EYA1: variants seen among roughly 807,000 people sequenced by gnomAD.
The protein encoded by EYA1 is protein phosphatase EYA1.
EYA1 carries 16 observed loss-of-function variants against 82.0 expected under a neutral mutation model. The observed-to-expected ratio is 0.20, with a 90% CI of 0.13 to 0.30. EYA1 has a LOEUF of 0.30. Ranked by LOEUF, EYA1 falls within the 10% of genes least tolerant of loss-of-function variation. The pLI is 1.00. For synonymous variants in EYA1, 261 were observed against 264.4 expected (o/e 0.99, Z 0.12); for missense variants, 633 against 730.7 (o/e 0.87, Z 1.54).
At chr8:71,265,513 C>T (rs1395733888) in intron 11 of EYA1, among the ~76,000 whole-genome samples, 1 of 152,178 alleles carries the variant, frequency 6.6e-6, no homozygotes, top group East Asian at 1.9e-4. Context: ...GAGACACAGA[C>T]ATTAAACAAT....
At chr8:71,363,650 T>G (rs111643276), upstream of EYA1, among the ~76,000 whole-genome samples, 1 of 152,226 alleles carries the variant, frequency 6.6e-6, no homozygotes, top group Non-Finnish European at 1.5e-5. Context: ...AAAGTATATA[T>G]GCAGAAAATA....
At chr8:71,417,406 G>A (rs1830912159) in intron 2 of EYA1, among the ~76,000 whole-genome samples, 1 of 152,090 alleles carries the variant, frequency 6.6e-6, no homozygotes, top group Non-Finnish European at 1.5e-5. Context: ...GTATTCACAA[G>A]TTCTAGAAAT....
chr8:71,388,941 C>A (rs544282955), intron 2 of EYA1, among the ~76,000 whole-genome samples: 2 of 152,194 alleles, frequency 1.3e-5, no homozygotes, highest in East Asian at 3.9e-4. Context: ...AGTTCCTACA[C>A]ACAAGTCCCT....
At chr8:71,491,799 G>A (rs181557261) in intron 2 of EYA1, among the ~76,000 whole-genome samples, 1 of 152,132 alleles carries the variant, frequency 6.6e-6, no homozygotes, top group Non-Finnish European at 1.5e-5. Flanking sequence ...GTTATGCGGT[G>A]GTTACTAACA....
At chr8:71,488,579 G>A (rs560328324) in intron 2 of EYA1, among the ~76,000 whole-genome samples, 2 of 152,192 alleles carry the variant, frequency 1.3e-5, no homozygotes, top group African/African-American at 4.8e-5. Flanking sequence ...TATCGGTTGG[G>A]AATAAGGATG....
chr8:71,339,140 A>G (rs933920318), intron 3 of EYA1, among the ~76,000 whole-genome samples: 6 of 151,990 alleles, frequency 3.9e-5, no homozygotes, highest in African/African-American at 7.2e-5. Context: ...CTTAGTTGCT[A>G]TTACCCCTCA....
chr8:71,325,608 T>C (rs1823061129), intron 4 of EYA1, among the ~76,000 whole-genome samples: 1 of 152,220 alleles, frequency 6.6e-6, no homozygotes, highest in Non-Finnish European at 1.5e-5. Context: ...TTTAAGTTTT[T>C]TTAATAAACA....
intron 9 of EYA1, among the ~76,000 whole-genome samples, chr8:71,281,769 A>C (rs541503512): frequency 3.9e-5 from 6 of 152,202 alleles, no homozygotes; most frequent in Admixed American, 3.9e-4. Flanking sequence ...AAAATTCTTT[A>C]TTTTTGAACA....
rs891731294 is a variant in EYA1 at position 71,458,023 on chromosome 8, T to C, written c.33+77721A>G. On this transcript the variant is annotated intron_variant, in intron 2 of 18. Transcript: ENST00000643681. The stretch of plus-strand genomic sequence containing the variant: ...AGTCAGCATCTAAGTGTACACATAC[T>C]GTAATTTTCAGGGTAGAGAGAGCGA... Among the ~76,000 whole-genome samples the C allele has an allele frequency of 4.6e-5, 7 of 152,322 alleles. No individual in the cohort carries two copies. In the East Asian group the frequency reaches 5.8e-4, roughly 13 times the overall value.
intron 2 of EYA1, among the ~76,000 whole-genome samples, chr8:71,482,609 T>C (rs1041349645): frequency 2.0e-5 from 3 of 152,152 alleles, no homozygotes; most frequent in African/African-American, 7.2e-5. Flanking sequence ...GTAACATAAT[T>C]CATAAAAGTC....
intron 2 of EYA1, among the ~76,000 whole-genome samples, chr8:71,418,926 G>T (rs1441732552): frequency 6.6e-6 from 1 of 152,126 alleles, no homozygotes; most frequent in East Asian, 1.9e-4. Flanking sequence ...GAGATATCTG[G>T]GGGAGAGCAC....
intron 2 of EYA1, among the ~76,000 whole-genome samples, chr8:71,370,427 C>G (rs1197334200): frequency 3.3e-5 from 5 of 149,436 alleles, no homozygotes; most frequent in Admixed American, 2.7e-4. Context: ...ACAAGGCAGA[C>G]AGAATTCCCA....
At chr8:71,366,954 T>C (rs1827791783), upstream of EYA1, among the ~76,000 whole-genome samples, 2 of 152,166 alleles carry the variant, frequency 1.3e-5, no homozygotes, top group Admixed American at 1.3e-4. Flanking sequence ...ATATATTCAA[T>C]ATGGAAGAGA....
intron 12 of EYA1, among the ~76,000 whole-genome samples, chr8:71,240,265 G>A (rs1409061222): frequency 7.5e-6 from 1 of 134,102 alleles, no homozygotes; most frequent in East Asian, 2.0e-4. Flanking sequence ...TTCTGCCCCA[G>A]GCCTTTTTTT....
chr8:71,348,647 C>T (rs1045520382), intron 3 of EYA1, among the ~76,000 whole-genome samples: 1 of 152,280 alleles, frequency 6.6e-6, no homozygotes, highest in African/African-American at 2.4e-5. Flanking sequence ...GAGGCTAGAG[C>T]CTATCTGCCA....
intron 2 of EYA1, among the ~76,000 whole-genome samples, chr8:71,504,970 C>T (rs4480151): frequency 0.68 from 102,815 of 151,958 alleles, 36,869 homozygotes; most frequent in East Asian, 0.92. Flanking sequence ...CTTGGCTAAT[C>T]TGTATTTTTA....
At chr8:71,505,046 C>A (rs753760572) in intron 2 of EYA1, among the ~76,000 whole-genome samples, 1 of 152,154 alleles carries the variant, frequency 6.6e-6, no homozygotes, top group South Asian at 2.1e-4. Flanking sequence ...ATGATCTGCC[C>A]GCCTTGGCCT....
intron 2 of EYA1, among the ~76,000 whole-genome samples, chr8:71,437,714 G>A (rs1306020861): frequency 3.3e-5 from 5 of 151,698 alleles, no homozygotes; most frequent in African/African-American, 1.2e-4. Flanking sequence ...GAAAAATGAA[G>A]TAAAATTATA....
intron 1 of EYA1, among the ~76,000 whole-genome samples, chr8:71,541,261 G>C (rs1719977099): frequency 6.6e-6 from 1 of 152,228 alleles, no homozygotes; most frequent in African/African-American, 2.4e-5. Context: ...GAAAGTCTTA[G>C]TTGTAGATGT....
Sources: allele counts gnomAD v4.1 joint callset (sites outside exome capture counted in the v4.1 genomes callset), GRCh38; gene constraint gnomAD v4.1.1; transcripts MANE v1.5; gene names NCBI Gene and HGNC (gene_info 2026-07-23, HGNC 2026-07-21).